The following NPSR1 variants were observed in gnomAD, a reference collection of about 807,000 sequenced individuals.
NPSR1 encodes the protein neuropeptide S receptor 1.
Under a neutral mutation model 46.9 loss-of-function variants are expected in NPSR1, and 48 were observed. The observed-to-expected ratio is 1.02, with a 90% CI of 0.81 to 1.30. The LOEUF is 1.30. Ranked by LOEUF, NPSR1 falls within the 50% of genes most tolerant of loss-of-function variation. The pLI, the probability that NPSR1 is intolerant of heterozygous loss-of-function variation, is 0.00. For synonymous variants in NPSR1, 176 were observed against 168.1 expected (o/e 1.05, Z -0.36); for missense variants, 450 against 449.5 (o/e 1.00, Z -0.01).
intron 2 of NPSR1, among the ~76,000 whole-genome samples, chr7:34,739,160 T>C (rs1784817943): frequency 2.0e-5 from 3 of 152,250 alleles, no homozygotes; most frequent in African/African-American, 7.2e-5. Flanking sequence ...ATTTGGGTTG[T>C]TTCCAGCTTT....
intron 2 of NPSR1, among the ~76,000 whole-genome samples, chr7:34,743,158 T>A (rs1455302048): frequency 6.6e-6 from 1 of 152,242 alleles, no homozygotes; most frequent in African/African-American, 2.4e-5. Context: ...TTTAATTAGA[T>A]CCCACTTGTC....
chr7:34,670,249 A>G (rs1791981464), intron 1 of NPSR1, among the ~76,000 whole-genome samples: 1 of 152,202 alleles, frequency 6.6e-6, no homozygotes, highest in Non-Finnish European at 1.5e-5. Context: ...AACATTACAG[A>G]ACTAGCAAAA....
chr7:34,860,877 T>A, intron 8 of NPSR1, among the ~76,000 whole-genome samples: 1 of 151,908 alleles, frequency 6.6e-6, no homozygotes, highest in East Asian at 1.9e-4. Flanking sequence ...TTTTGGACCA[T>A]GCTTTGGAGA....
intron 2 of NPSR1, chr7:34,750,755 G>A: frequency 1.4e-6 from 1 of 693,838 alleles, no homozygotes; most frequent in Non-Finnish European, 2.7e-6. Context: ...CTCTGTGAGG[G>A]GCAGCTGTGA....
chr7:34,825,598 C>T (rs961793201), intron 4 of NPSR1, among the ~76,000 whole-genome samples: 8 of 151,678 alleles, frequency 5.3e-5, no homozygotes, highest in Non-Finnish European at 7.4e-5. Context: ...GAGAAAGAGG[C>T]CTCCCTGAAG....
intron 2 of NPSR1, among the ~76,000 whole-genome samples, chr7:34,690,239 GA>G (rs1290305944): frequency 6.6e-6 from 1 of 151,570 alleles, no homozygotes; most frequent in East Asian, 1.9e-4. Context: ...CTCAGATGAG[GA>G]AAAAAGTCAC....
At chr7:34,877,561 A>G (rs2392286) in intron 8 of NPSR1, among the ~76,000 whole-genome samples, 18 of 152,302 alleles carry the variant, frequency 1.2e-4, no homozygotes, top group Middle Eastern at 3.4e-3. Flanking sequence ...GTAGCAGACT[A>G]CACACACCTG....
rs572421810 is a variant in NPSR1, at chr7:34,843,227, GATTT to G, written c.758-1664_758-1661del. Among the ~76,000 whole-genome samples, 15 of 152,284 alleles carry G rather than the reference GATTT, an allele frequency of 9.9e-5. No individual in the cohort carries two copies. The East Asian group carries it at 2.9e-3, about 29-fold the overall frequency. ...TGGGAAATTTATTTTTAAAAAAAGA[GATTT>G]ATTTGGCTTATGGTTCTAGAGGCTG... On this transcript the variant is annotated intron_variant, in intron 6 of 8. Coordinates refer to ENST00000360581, the MANE Select transcript of NPSR1 (RefSeq NM_207172.2).
intron 2 of NPSR1, among the ~76,000 whole-genome samples, chr7:34,770,856 GT>G (rs1197640427): frequency 6.6e-6 from 1 of 152,180 alleles, no homozygotes; most frequent in Admixed American, 6.5e-5. Flanking sequence ...GTCTGGTTAG[GT>G]CATTCTCTTC....
intron 1 of NPSR1, among the ~76,000 whole-genome samples, chr7:34,666,908 G>A: frequency 6.6e-6 from 1 of 152,086 alleles, no homozygotes; most frequent in South Asian, 2.1e-4. Flanking sequence ...GAAAGTAAAA[G>A]TTTCTCCCCC....
Position 34,809,636 on chromosome 7 carries a change from T to C in NPSR1, c.385-2134T>C, listed in dbSNP as rs369468934. On this transcript the variant is annotated intron_variant, in intron 3 of 8. Transcript: ENST00000360581. ...CCGCCACTACGCCCGGCTAATTTTT[T>C]GTATTTTTAGTAGAGACGGGGTTTC... Among the ~76,000 whole-genome samples, 146 of 152,192 alleles carry C rather than the reference T, an allele frequency of 9.6e-4. 1 individual carries two copies. In the East Asian group the frequency reaches 0.025, roughly 26 times the overall value.
At chr7:34,734,522 C>T (rs969721620) in intron 2 of NPSR1, among the ~76,000 whole-genome samples, 2 of 152,114 alleles carry the variant, frequency 1.3e-5, no homozygotes, top group Admixed American at 6.6e-5. Context: ...ATAAGTTCCT[C>T]AAATCTAACC....
intron 2 of NPSR1, among the ~76,000 whole-genome samples, chr7:34,728,049 C>T (rs916354141): frequency 3.4e-5 from 5 of 148,036 alleles, no homozygotes; most frequent in Admixed American, 2.7e-4. Flanking sequence ...CAAAAAACTG[C>T]CTTTATTTTT....
chr7:34,707,510 C>G (rs1794168335), intron 2 of NPSR1, among the ~76,000 whole-genome samples: 1 of 152,230 alleles, frequency 6.6e-6, no homozygotes, highest in South Asian at 2.1e-4. Context: ...CAATTCCATA[C>G]TGTGATTATT....
chr7:34,699,409 T>A (rs567461725), intron 2 of NPSR1, among the ~76,000 whole-genome samples: 3 of 152,370 alleles, frequency 2.0e-5, no homozygotes, highest in Admixed American at 1.3e-4. Flanking sequence ...ATAAATATAC[T>A]TATGATTTTA....
chr7:34,778,473 G>T lies in NPSR1; in HGVS notation c.292G>T (p.Gly98Ter), dbSNP rs751765167. The change falls in exon 3 of 9, where the codon GGA becomes TGA. Residue 98 changes from glycine to a stop codon, truncating the protein, a stop_gained. Coordinates refer to ENST00000360581, the MANE Select transcript of NPSR1 (RefSeq NM_207172.2). LOFTEE classifies it high-confidence loss of function. ...TQLAITDSFT[G>*]LVNILTDINW... Reference sequence around the variant, plus strand: ...TACGTTTTTGTTAGATTCTTTCACAGGACTGGTCAACATCTTGACAGATAT... The same window carrying T: ...TACGTTTTTGTTAGATTCTTTCACATGACTGGTCAACATCTTGACAGATAT... 15 of 1,600,474 alleles carry T rather than the reference G, an allele frequency of 9.4e-6. No individual in the cohort carries two copies. The East Asian group carries it at 1.6e-4, about 17-fold the overall frequency.
At chr7:34,748,227 G>A (rs1263823270) in intron 2 of NPSR1, among the ~76,000 whole-genome samples, 1 of 152,210 alleles carries the variant, frequency 6.6e-6, no homozygotes, top group Non-Finnish European at 1.5e-5. Flanking sequence ...TGTTAGCCTG[G>A]TAATGGAGAG....
chr7:34,854,933 G>A (rs937051828), downstream of NPSR1, among the ~76,000 whole-genome samples: 3 of 151,994 alleles, frequency 2.0e-5, no homozygotes, highest in Non-Finnish European at 4.4e-5. Context: ...AATTCATATA[G>A]TCTAGTTTTT....
rs756404980 is a variant in NPSR1, at chr7:34,824,659, TC to T, written c.479-2739del. ...TCTAAAGTATGATTCTATACTCTCT[TC>T]CCTGTCCATCCCTCTCAAAAGTGAA... On this transcript the variant is annotated intron_variant, in intron 4 of 8. Coordinates refer to ENST00000360581, the MANE Select transcript of NPSR1 (RefSeq NM_207172.2). Among the ~76,000 whole-genome samples the T allele has an allele frequency of 7.9e-5, 12 of 152,310 alleles. No homozygotes were observed. The East Asian group carries it at 2.3e-3, about 29-fold the overall frequency.
Sources: allele counts gnomAD v4.1 joint callset (sites outside exome capture counted in the v4.1 genomes callset), GRCh38; gene constraint gnomAD v4.1.1; transcripts MANE v1.5; gene names NCBI Gene and HGNC (gene_info 2026-07-23, HGNC 2026-07-21).